RSF1: variants seen among roughly 807,000 people sequenced by gnomAD.
RSF1 encodes the protein remodeling and spacing factor 1, also known as HBV pX-associated protein 8.
Under a neutral mutation model 145.2 loss-of-function variants are expected in RSF1, and 13 were observed. The ratio of observed to expected loss-of-function variants is 0.09; its 90% CI spans 0.06 to 0.14. RSF1 has a LOEUF of 0.14. RSF1 is among the 10% of genes least tolerant of loss of function. The pLI is 1.00. For synonymous variants in RSF1, 577 were observed against 592.6 expected (o/e 0.97, Z 0.38); for missense variants, 1,517 against 1,718.2 (o/e 0.88, Z 2.07).
the RSF1 span, among the ~76,000 whole-genome samples, chr11:77,835,227 C>T: frequency 6.6e-6 from 1 of 152,054 alleles, no homozygotes; most frequent in Non-Finnish European, 1.5e-5. Flanking sequence ...GGACACCAGA[C>T]ATATACCCTT....
At chr11:77,707,359 T>C (rs1393329192) in intron 5 of RSF1, among the ~76,000 whole-genome samples, 1 of 152,214 alleles carries the variant, frequency 6.6e-6, no homozygotes, top group African/African-American at 2.4e-5. Flanking sequence ...CAATATTTAA[T>C]TAAAAATTCT....
chr11:77,671,435 G>A (rs1403945696), intron 15 of RSF1, among the ~76,000 whole-genome samples: 1 of 151,106 alleles, frequency 6.6e-6, no homozygotes, highest in African/African-American at 2.4e-5. Flanking sequence ...TCAAAATGAG[G>A]GCCATGAATA....
upstream of RSF1, among the ~76,000 whole-genome samples, chr11:77,825,081 C>T (rs151143130): frequency 2.9e-3 from 435 of 152,216 alleles, 4 homozygotes; most frequent in African/African-American, 0.01. Flanking sequence ...CCTGGTTTCA[C>T]GCCATTCTAT....
rs11353278 is a variant in RSF1, at chr11:77,733,557, A to AT, written c.578+7173dup. On this transcript the variant is annotated intron_variant, in intron 4 of 15. Coordinates refer to ENST00000308488, the MANE Select transcript of RSF1 (RefSeq NM_016578.4). ...CCACCTTGTTATGTTTACATCTTTG[A>AT]TTTTTTTTTTTTTTTTTTTTGAGAC... is the stretch of plus-strand genomic sequence containing the variant. 8.7e-3 allele frequency among the ~76,000 whole-genome samples: 1,081 copies of AT among 124,268 alleles called. 5 individuals are homozygous for AT. The highest frequency in any genetic ancestry group is 0.012 in the Non-Finnish European group (705 of 60,326). 81.5% of individuals were successfully genotyped at this position (124,268 alleles called of 152,430 possible).
chr11:77,846,552 C>T, the RSF1 span, among the ~76,000 whole-genome samples: 1 of 152,228 alleles, frequency 6.6e-6, no homozygotes, highest in East Asian at 1.9e-4. Context: ...ACTAACAATA[C>T]AAAATTAGCC....
the RSF1 span, among the ~76,000 whole-genome samples, chr11:77,829,485 C>A: frequency 6.6e-6 from 1 of 152,138 alleles, no homozygotes; most frequent in South Asian, 2.1e-4. Flanking sequence ...TTAAAATAAA[C>A]ATACCAAGAC....
the RSF1 span, among the ~76,000 whole-genome samples, chr11:77,863,274 C>T: frequency 4.6e-5 from 7 of 152,234 alleles, no homozygotes; most frequent in Admixed American, 6.5e-5. Flanking sequence ...CGGCAATGGG[C>T]GCTCAGGAGC....
chr11:77,700,349 C>CCAAA (rs751077183), intron 6 of RSF1, among the ~76,000 whole-genome samples: 18 of 47,208 alleles, frequency 3.8e-4, no homozygotes, highest in African/African-American at 1.4e-3. Context: ...GACTGTCTCA[C>CCAAA]AAAAAAAAAA....
the RSF1 span, chr11:77,870,049 C>T: frequency 3.0e-6 from 1 of 338,184 alleles, no homozygotes; most frequent in Non-Finnish European, 5.4e-6. Flanking sequence ...CCCTCAAGTT[C>T]TACAAGGATC....
rs368956365 is a variant in RSF1, at chr11:77,757,975, A to C, written c.279+6623T>G. ...TGAGACACTGTCTCTAAAATTAAAAATTAAAAAATTAGCCAGGTGTGGTAG... is the reference window on the plus strand; with the variant it reads ...TGAGACACTGTCTCTAAAATTAAAACTTAAAAAATTAGCCAGGTGTGGTAG... On this transcript the variant is annotated intron_variant, in intron 2 of 15. Transcript: ENST00000308488. Among the ~76,000 whole-genome samples, 41 of 152,196 alleles carry C rather than the reference A, an allele frequency of 2.7e-4. No homozygotes were observed. In the South Asian group the frequency reaches 8.5e-3, roughly 32 times the overall value.
In RSF1 at chr11:77,776,945, C is replaced by G. The variant is rs1345668910; in HGVS notation, c.188-12256G>C. Among the ~76,000 whole-genome samples the G allele has an allele frequency of 2.0e-5, 3 of 152,154 alleles. No homozygotes were observed. The East Asian group carries it at 5.8e-4, about 29-fold the overall frequency. Reference sequence around the variant, plus strand: ...AGATTATTAAACCACTCATTCCACACTGAACTTCTTGAACTACAAATAGAA... The same window carrying G: ...AGATTATTAAACCACTCATTCCACAGTGAACTTCTTGAACTACAAATAGAA... On this transcript the variant is annotated intron_variant, in intron 1 of 15. Transcript: ENST00000308488.
At chr11:77,835,379 T>C in the RSF1 span, among the ~76,000 whole-genome samples, 1 of 152,118 alleles carries the variant, frequency 6.6e-6, no homozygotes. Context: ...TTCCTAGACT[T>C]TGGGATAACT....
At chr11:77,846,361 G>C in the RSF1 span, among the ~76,000 whole-genome samples, 5 of 152,182 alleles carry the variant, frequency 3.3e-5, no homozygotes, top group Admixed American at 6.5e-5. Context: ...GCTCACGCCT[G>C]TGATCACAGC....
chr11:77,743,487 T>C (rs982763682), intron 3 of RSF1, among the ~76,000 whole-genome samples: 3 of 152,232 alleles, frequency 2.0e-5, no homozygotes, highest in Non-Finnish European at 2.9e-5. Flanking sequence ...GCTATTGTAA[T>C]GAATTGGTTT....
rs1960896395 is a variant in RSF1 at position 77,719,527 on chromosome 11, CAT to C, written c.733+6016_733+6017del. On this transcript the variant is annotated intron_variant, in intron 5 of 15. Coordinates refer to ENST00000308488, the MANE Select transcript of RSF1 (RefSeq NM_016578.4). ...TTACTCAGCTACAGAGTATTTTTGA[CAT>C]ATAAAAATGATGATCCAAAGTTGAC... Among the ~76,000 whole-genome samples, 3 of 152,076 alleles carry C rather than the reference CAT, an allele frequency of 2.0e-5. No individual in the cohort carries two copies. The South Asian group carries it at 6.2e-4, about 31-fold the overall frequency.
At chr11:77,680,676 T>C (rs1361209289) in intron 11 of RSF1, among the ~76,000 whole-genome samples, 1 of 152,238 alleles carries the variant, frequency 6.6e-6, no homozygotes, top group East Asian at 1.9e-4. Context: ...TACAATGTAA[T>C]TTTTACTGGC....
intron 7 of RSF1, 145 bp downstream of exon 7, chr11:77,698,342 A>G: frequency 3.0e-6 from 2 of 675,758 alleles, no homozygotes; most frequent in Non-Finnish European, 2.5e-6. Context: ...AGGTTATATG[A>G]GAAACAGAAA....
chr11:77,732,468 G>A (rs905345664), intron 4 of RSF1, among the ~76,000 whole-genome samples: 2 of 152,136 alleles, frequency 1.3e-5, no homozygotes, highest in Non-Finnish European at 2.9e-5. Context: ...TGAACTATGA[G>A]GACATGAGAT....
chr11:77,844,345 T>G, the RSF1 span, among the ~76,000 whole-genome samples: 1 of 152,122 alleles, frequency 6.6e-6, no homozygotes, highest in Non-Finnish European at 1.5e-5. Flanking sequence ...AGCAAATTTT[T>G]TTTTACAGTT....
Sources: gnomAD v4.1 joint callset for allele counts (sites outside exome capture counted in the v4.1 genomes callset) on GRCh38, gnomAD v4.1.1 for gene constraint, MANE v1.5 for transcripts, NCBI Gene and HGNC (gene_info 2026-07-23, HGNC 2026-07-21) for gene names.